The following CLTCL1 variants were observed in gnomAD, a reference collection of about 807,000 sequenced individuals.
The protein encoded by CLTCL1 is clathrin heavy chain like 1.
CLTCL1 carries 159 observed loss-of-function variants against 190.0 expected under a neutral mutation model. The observed-to-expected ratio is 0.84, with a 90% confidence interval of 0.74 to 0.95. The LOEUF (loss-of-function observed/expected upper bound fraction) is 0.95, where lower values mean the gene tolerates loss of function less well. CLTCL1 is among the 40% of genes least tolerant of loss of function. The pLI, the probability that CLTCL1 is intolerant of heterozygous loss-of-function variation, is 0.00. For synonymous variants in CLTCL1, 752 were observed against 769.6 expected (o/e 0.98, Z 0.38); for missense variants, 1,878 against 2,033.4 (o/e 0.92, Z 1.47).
intron 18 of CLTCL1, among the ~76,000 whole-genome samples, chr22:19,217,905 C>A (rs1555950444): frequency 6.7e-6 from 1 of 150,084 alleles, no homozygotes; most frequent in Non-Finnish European, 1.5e-5. Context: ...TAAATAAATA[C>A]ACACAGGTTG....
At chr22:19,183,365 G>A (rs1276837544) in intron 30 of CLTCL1, 25 bp downstream of exon 30, 1 of 1,594,652 alleles carries the variant, frequency 6.3e-7, no homozygotes, top group Non-Finnish European at 8.6e-7. Flanking sequence ...AGGGGCCGGG[G>A]AGCTGCAGCC....
chr22:19,203,359 A>G (rs2084955011), intron 22 of CLTCL1, among the ~76,000 whole-genome samples: 1 of 152,164 alleles, frequency 6.6e-6, no homozygotes, highest in Non-Finnish European at 1.5e-5. Flanking sequence ...TCTGCCCTCA[A>G]CTTACCTGGG....
At chr22:19,263,031 TAA>T (rs782074357) in intron 2 of CLTCL1, among the ~76,000 whole-genome samples, 52 of 126,976 alleles carry the variant, frequency 4.1e-4, no homozygotes, top group Admixed American at 5.7e-4. Flanking sequence ...ACTCCATCTT[TAA>T]AAAAAAAAAA....
intron 27 of CLTCL1, 119 bp downstream of exon 27, chr22:19,191,185 T>C: frequency 5.9e-6 from 7 of 1,189,336 alleles, no homozygotes; most frequent in Non-Finnish European, 8.4e-6. Flanking sequence ...GATACACTGG[T>C]GAATCTTCAA....
Position 19,191,436 on chromosome 22 carries a change from C to G in CLTCL1, c.4192-1G>C. ...TGTAACAGAGCTCGACGTTGGCAAC[C>G]TGTGGTGAGCAAAGCTGAGGGTCAG... On this transcript the variant is annotated splice_acceptor_variant, in intron 26 of 32. Transcript: ENST00000427926. LOFTEE classifies it high-confidence loss of function. The G allele has an allele frequency of 6.2e-7, 1 of 1,613,134 alleles. No homozygotes were observed. Among genetic ancestry groups the G allele is most frequent in the Non-Finnish European group, 8.5e-7 (1 of 1,179,850 alleles).
chr22:19,207,039 C>T (rs12628274), intron 22 of CLTCL1, among the ~76,000 whole-genome samples: 1,318 of 92,654 alleles, frequency 0.014, 27 homozygotes, highest in East Asian at 0.1. Context: ...TTTTTTGAGA[C>T]GGAGTCTCGC....
chr22:19,281,065 C>A (rs1457908485), intron 1 of CLTCL1, among the ~76,000 whole-genome samples: 58 of 151,336 alleles, frequency 3.8e-4, no homozygotes, highest in African/African-American at 1.4e-3. Flanking sequence ...CCGAGGCGGG[C>A]AGATCACGAG....
chr22:19,256,659 A>G (rs528887869), intron 2 of CLTCL1, among the ~76,000 whole-genome samples: 5 of 149,704 alleles, frequency 3.3e-5, no homozygotes, highest in African/African-American at 1.2e-4. Flanking sequence ...TGCCCAGTCT[A>G]ATTTTTAATT....
At chr22:19,182,994 G>T (rs868968001) in intron 30 of CLTCL1, 4 of 263,832 alleles carry the variant, frequency 1.5e-5, no homozygotes, top group Middle Eastern at 1.3e-3. Flanking sequence ...CCAACCGTAT[G>T]CTAACAGCTG....
At chr22:19,274,195 C>T (rs2087419916) in intron 2 of CLTCL1, among the ~76,000 whole-genome samples, 1 of 152,196 alleles carries the variant, frequency 6.6e-6, no homozygotes, top group Admixed American at 6.5e-5. Flanking sequence ...GGTACAGTGG[C>T]TCATGCCTAT....
In CLTCL1 at chr22:19,222,658, G is replaced by C. The variant is rs1374641253; in HGVS notation, c.2418+26C>G. The C allele has an allele frequency of 2.5e-6, 4 of 1,580,834 alleles. No homozygotes were observed. In the East Asian group the frequency reaches 6.9e-5, roughly 27 times the overall value. On this transcript the variant is annotated intron_variant, in intron 15 of 32. Transcript: ENST00000427926. ...CTGACTGGGGCCCAGAGGCAGCCGG[G>C]TGTCACTCCAGGGAGCCAGCAGTAC...
At chr22:19,217,489 G>A (rs1051355858) in intron 18 of CLTCL1, among the ~76,000 whole-genome samples, 5 of 151,788 alleles carry the variant, frequency 3.3e-5, no homozygotes, top group Non-Finnish European at 7.4e-5. Flanking sequence ...GGTGGCGGGC[G>A]CCTGTAGTCC....
At chr22:19,257,120 G>GTTCCTCAAAGGA in intron 2 of CLTCL1, among the ~76,000 whole-genome samples, 1 of 152,154 alleles carries the variant, frequency 6.6e-6, no homozygotes, top group East Asian at 1.9e-4. Flanking sequence ...AACCTCAAAG[G>GTTCCTCAAAGGA]ACCTCAAATA....
At chr22:19,236,383 T>C (rs1601607579) in intron 5 of CLTCL1, among the ~76,000 whole-genome samples, 1 of 152,286 alleles carries the variant, frequency 6.6e-6, no homozygotes, top group Non-Finnish European at 1.5e-5. Context: ...GACAAAGACC[T>C]CAAACGCCAA....
At chr22:19,187,315 C>T (rs1555928764) in intron 29 of CLTCL1, among the ~76,000 whole-genome samples, 2 of 151,950 alleles carry the variant, frequency 1.3e-5, no homozygotes, top group South Asian at 2.1e-4. Flanking sequence ...GAATCAACTC[C>T]GTAAAACTCT....
intron 1 of CLTCL1, among the ~76,000 whole-genome samples, chr22:19,284,153 C>T (rs2087820774): frequency 6.6e-6 from 1 of 152,168 alleles, no homozygotes; most frequent in Non-Finnish European, 1.5e-5. Flanking sequence ...ACATCAACTG[C>T]CTACATCAGT....
rs201040198 is a variant in CLTCL1, at chr22:19,188,407, C to CTGT, written c.4324-317_4324-316insACA. Among the ~76,000 whole-genome samples, 1,434 of 152,284 alleles carry CTGT rather than the reference C, an allele frequency of 9.4e-3. 34 individuals are homozygous for CTGT. Among genetic ancestry groups the CTGT allele is most frequent in the East Asian group, 0.069 (356 of 5,176 alleles). ...ATTCATGTTTACACTATGTTGTAGC[C>CTGT]TAAGTGTGTAACAGCATTATGTCTA... On this transcript the variant is annotated intron_variant, in intron 27 of 32. Coordinates refer to ENST00000427926, the MANE Select transcript of CLTCL1 (RefSeq NM_007098.4).
In CLTCL1 at chr22:19,242,824, T is replaced by C. The variant is rs1555966124; in HGVS notation, c.632A>G (p.Lys211Arg). ...FAEFKMEGNAKPATLFCFAVR... is the reference protein window; with the variant it reads ...FAEFKMEGNARPATLFCFAVR... Reference sequence around the variant, plus strand: ...AGCAAAGCAGAAAAGGGTGGCAGGCTTGGCATTCCCCTCCATCTTGAACTC... The same window carrying C: ...AGCAAAGCAGAAAAGGGTGGCAGGCCTGGCATTCCCCTCCATCTTGAACTC... Residue 211 changes from lysine to arginine, a missense_variant, in exon 4 of 33, where the codon AAG becomes AGG. By Grantham distance (26) the Lys-to-Arg change is conservative (BLOSUM62 2). Coordinates refer to ENST00000427926, the MANE Select transcript of CLTCL1 (RefSeq NM_007098.4). The C allele has an allele frequency of 6.2e-7, 1 of 1,613,974 alleles. No individual in the cohort carries two copies. The highest frequency in any genetic ancestry group is 8.5e-7 in the Non-Finnish European group (1 of 1,179,888).
intron 1 of CLTCL1, among the ~76,000 whole-genome samples, chr22:19,278,034 G>A (rs1211900564): frequency 6.6e-6 from 1 of 152,118 alleles, no homozygotes; most frequent in Non-Finnish European, 1.5e-5. Flanking sequence ...ATATTACAAA[G>A]GATACTGATG....
Sources: gnomAD v4.1 joint callset for allele counts (sites outside exome capture counted in the v4.1 genomes callset) on GRCh38, gnomAD v4.1.1 for gene constraint, MANE v1.5 for transcripts, NCBI Gene and HGNC (gene_info 2026-07-23, HGNC 2026-07-21) for gene names.